Variants in SHISA9 observed in about 807,000 individuals in gnomAD.
SHISA9 encodes shisa family member 9, also known as protein shisa-9.
In SHISA9, 13 loss-of-function variants were observed where a neutral mutation model predicts 38.0. The observed-to-expected ratio is 0.34, with a 90% CI of 0.22 to 0.54. The LOEUF (loss-of-function observed/expected upper bound fraction) is 0.54. Ranked by LOEUF, SHISA9 falls within the 20% of genes least tolerant of loss-of-function variation. SHISA9 has a pLI of 0.91. For missense variants in SHISA9, 538 were observed against 575.8 expected, an observed-to-expected ratio of 0.93 and a Z score of 0.67; for synonymous variants, 275 against 242.0, an observed-to-expected ratio of 1.14 and a Z score of -1.27.
chr16:12,912,023 G>A (rs527490498), intron 1 of SHISA9, among the ~76,000 whole-genome samples: 4 of 152,332 alleles, frequency 2.6e-5, no homozygotes, highest in South Asian at 4.1e-4. Flanking sequence ...ACATCCCAGC[G>A]ACGGGACTGC....
chr16:13,289,920 A>G, the SHISA9 span, among the ~76,000 whole-genome samples: 1 of 152,232 alleles, frequency 6.6e-6, no homozygotes, highest in African/African-American at 2.4e-5. Flanking sequence ...TAACACTGAC[A>G]TCACTAGGTA....
At chr16:13,506,648 C>T in the SHISA9 span, among the ~76,000 whole-genome samples, 36 of 152,122 alleles carry the variant, frequency 2.4e-4, no homozygotes, top group Middle Eastern at 3.4e-3. Flanking sequence ...GAGGATGGAG[C>T]GCCTGCGTGA....
At chr16:13,430,105 A>C in the SHISA9 span, among the ~76,000 whole-genome samples, 1 of 152,188 alleles carries the variant, frequency 6.6e-6, no homozygotes, top group Non-Finnish European at 1.5e-5. Flanking sequence ...CTATAAGTCC[A>C]AGAGAAAGAA....
At position 13,141,348 on chromosome 16, in the gene SHISA9, A is replaced by G. The variant is rs867807752; in HGVS notation, c.692-62046A>G. Among the ~76,000 whole-genome samples the G allele has an allele frequency of 3.2e-4, 48 of 152,188 alleles. No homozygotes were observed. The Middle Eastern group carries it at 0.01, about 32-fold the overall frequency. On this transcript the variant is annotated intron_variant, in intron 2 of 4. Transcript: ENST00000558583. ...AGCTTGAACCCTACACACAATCTCAATGAACTAGAAATCACTTATCATCTT... is the reference window on the plus strand; with the variant it reads ...AGCTTGAACCCTACACACAATCTCAGTGAACTAGAAATCACTTATCATCTT...
intron 2 of SHISA9, among the ~76,000 whole-genome samples, chr16:13,012,211 C>T (rs551446789): frequency 6.6e-6 from 1 of 152,178 alleles, no homozygotes; most frequent in East Asian, 1.9e-4. Context: ...ATTTCCCTTA[C>T]AGAGTGAACA....
At chr16:13,025,935 A>G (rs887891837) in intron 2 of SHISA9, among the ~76,000 whole-genome samples, 6 of 151,970 alleles carry the variant, frequency 3.9e-5, no homozygotes, top group Admixed American at 3.3e-4. Flanking sequence ...CCTCCTGAGT[A>G]GCTGGGATTA....
At chr16:13,122,996 G>T (rs541112621) in intron 2 of SHISA9, among the ~76,000 whole-genome samples, 3 of 151,920 alleles carry the variant, frequency 2.0e-5, no homozygotes, top group Non-Finnish European at 4.4e-5. Flanking sequence ...GCAGTGAGCC[G>T]AGATTGTGCC....
chr16:13,554,539 T>C, the SHISA9 span, among the ~76,000 whole-genome samples: 3 of 148,350 alleles, frequency 2.0e-5, no homozygotes, highest in Admixed American at 6.8e-5. Flanking sequence ...TGATGGAGCC[T>C]GGAGTACAGT....
At chr16:13,536,899 C>T in the SHISA9 span, among the ~76,000 whole-genome samples, 1 of 152,162 alleles carries the variant, frequency 6.6e-6, no homozygotes, top group East Asian at 1.9e-4. Context: ...TGGGATCCCA[C>T]ACTAATGTTG....
chr16:13,450,966 T>C, the SHISA9 span, among the ~76,000 whole-genome samples: 1 of 152,258 alleles, frequency 6.6e-6, no homozygotes, highest in East Asian at 1.9e-4. Context: ...TCTTAGATCT[T>C]GGTACACATA....
chr16:13,351,159 G>C, the SHISA9 span, among the ~76,000 whole-genome samples: 1 of 152,174 alleles, frequency 6.6e-6, no homozygotes, highest in Non-Finnish European at 1.5e-5. Context: ...ACAGCAAAAA[G>C]TGGCAGAGCC....
chr16:13,019,544 G>A (rs184427161), intron 2 of SHISA9, among the ~76,000 whole-genome samples: 9 of 152,000 alleles, frequency 5.9e-5, no homozygotes, highest in Admixed American at 4.6e-4. Flanking sequence ...ATTTTTAGGT[G>A]TACATTTAAT....
the SHISA9 span, among the ~76,000 whole-genome samples, chr16:13,531,055 G>A: frequency 1.3e-5 from 2 of 152,294 alleles, no homozygotes; most frequent in Non-Finnish European, 2.9e-5. Context: ...GGAGCTTCCT[G>A]GAGTCTTGTA....
chr16:13,469,702 G>A, the SHISA9 span, among the ~76,000 whole-genome samples: 1 of 152,108 alleles, frequency 6.6e-6, no homozygotes, highest in Non-Finnish European at 1.5e-5. Context: ...TCCTCCTCAG[G>A]GTAATCACAG....
At chr16:13,552,049 G>C in the SHISA9 span, among the ~76,000 whole-genome samples, 1 of 152,260 alleles carries the variant, frequency 6.6e-6, no homozygotes, top group African/African-American at 2.4e-5. Context: ...AATACAATTG[G>C]TAAAGAGGTG....
chr16:13,490,062 T>A, the SHISA9 span, among the ~76,000 whole-genome samples: 1 of 151,932 alleles, frequency 6.6e-6, no homozygotes, highest in African/African-American at 2.4e-5. Flanking sequence ...TTTCATATGG[T>A]AGGAACATAG....
rs192732835 is a variant in SHISA9 at position 13,125,569 on chromosome 16, G to C, written c.692-77825G>C. ...TTTGCCACATTCTTACTTTATGGTG[G>C]ATGAGACACTATATTAGTCTACAAT... On this transcript the variant is annotated intron_variant, in intron 2 of 4. Transcript: ENST00000558583. Among the ~76,000 whole-genome samples the C allele has an allele frequency of 7.2e-5, 11 of 152,280 alleles. No individual in the cohort carries two copies. The East Asian group carries it at 2.1e-3, about 29-fold the overall frequency.
the SHISA9 span, among the ~76,000 whole-genome samples, chr16:13,395,704 C>T: frequency 6.6e-6 from 1 of 152,224 alleles, no homozygotes; most frequent in African/African-American, 2.4e-5. Context: ...ATTGTTGTGC[C>T]TCCAGAACCT....
chr16:13,128,228 A>C (rs59858033), intron 2 of SHISA9, among the ~76,000 whole-genome samples: 309 of 152,272 alleles, frequency 2.0e-3, no homozygotes, highest in African/African-American at 7.2e-3. Context: ...GAAGGAAAGG[A>C]AGGGAAGAGA....
Sources: allele counts gnomAD v4.1 joint callset (sites outside exome capture counted in the v4.1 genomes callset), GRCh38; gene constraint gnomAD v4.1.1; transcripts MANE v1.5; gene names NCBI Gene and HGNC (gene_info 2026-07-23, HGNC 2026-07-21).